The following SORCS3 variants were observed in gnomAD, a reference collection of about 807,000 sequenced individuals.
The protein encoded by SORCS3 is VPS10 domain-containing receptor SorCS3.
A neutral mutation model predicts 146.3 loss-of-function variants in SORCS3; 57 were observed. That is an observed-to-expected ratio of 0.39 (90% CI 0.31 to 0.49). SORCS3 has a LOEUF of 0.49. Ranked by LOEUF, SORCS3 falls within the 20% of genes least tolerant of loss-of-function variation. SORCS3 has a pLI of 0.92. For synonymous variants in SORCS3, 653 were observed against 618.5 expected, an observed-to-expected ratio of 1.06 and a Z score of -0.83; for missense variants, 1,341 against 1,575.5, an observed-to-expected ratio of 0.85 and a Z score of 2.52.
At chr10:105,084,679 G>A (rs1025212705) in intron 5 of SORCS3, among the ~76,000 whole-genome samples, 9 of 152,114 alleles carry the variant, frequency 5.9e-5, no homozygotes, top group Non-Finnish European at 1.3e-4. Context: ...ACTAGGGGAG[G>A]CGCAGAGTGC....
At chr10:104,884,240 G>T (rs1176176892) in intron 2 of SORCS3, among the ~76,000 whole-genome samples, 1 of 152,140 alleles carries the variant, frequency 6.6e-6, no homozygotes, top group African/African-American at 2.4e-5. Flanking sequence ...AAGGAGAGAG[G>T]AGACATTTAA....
intron 1 of SORCS3, among the ~76,000 whole-genome samples, chr10:104,803,729 A>G (rs1178837401): frequency 6.6e-6 from 1 of 152,086 alleles, no homozygotes; most frequent in Non-Finnish European, 1.5e-5. Flanking sequence ...AGGCTCATTT[A>G]TTCACTCAAG....
chr10:105,219,320 A>G (rs1450887204), intron 19 of SORCS3, among the ~76,000 whole-genome samples: 37 of 152,216 alleles, frequency 2.4e-4, no homozygotes, highest in Admixed American at 2.3e-3. Flanking sequence ...TTTATCCAGC[A>G]ATGAGTTGTA....
At chr10:104,963,090 C>A (rs1337494579) in intron 3 of SORCS3, among the ~76,000 whole-genome samples, 1 of 152,142 alleles carries the variant, frequency 6.6e-6, no homozygotes, top group African/African-American at 2.4e-5. Context: ...GTCATTATTT[C>A]TAATTTTGTA....
intron 3 of SORCS3, among the ~76,000 whole-genome samples, chr10:104,969,066 G>A (rs2054843236): frequency 1.3e-5 from 2 of 152,130 alleles, no homozygotes; most frequent in African/African-American, 4.8e-5. Context: ...TATAGATTTG[G>A]TACGTGAATA....
intron 5 of SORCS3, among the ~76,000 whole-genome samples, chr10:105,060,266 A>C (rs2055476173): frequency 6.6e-6 from 1 of 152,184 alleles, no homozygotes; most frequent in Non-Finnish European, 1.5e-5. Flanking sequence ...GAAGAGAAAC[A>C]GAAAAGCATG....
At chr10:105,170,954 C>T (rs998054320) in intron 13 of SORCS3, among the ~76,000 whole-genome samples, 2 of 152,060 alleles carry the variant, frequency 1.3e-5, no homozygotes, top group African/African-American at 4.8e-5. Context: ...AAACAAAGCT[C>T]ATTTTAAGAG....
chr10:104,915,798 G>C (rs770009100), intron 2 of SORCS3, 35 bp from the exon 3 acceptor site: 1 of 1,582,070 alleles, frequency 6.3e-7, no homozygotes, highest in Admixed American at 1.7e-5. Context: ...TTGGTAAAAT[G>C]ATCTCTCCCT....
At chr10:104,761,746 G>C (rs758532621) in intron 1 of SORCS3, among the ~76,000 whole-genome samples, 2 of 152,100 alleles carry the variant, frequency 1.3e-5, no homozygotes. Context: ...GTGAGAAAAT[G>C]GGGGCTGGAT....
At chr10:105,066,426 G>C (rs1459460308) in intron 5 of SORCS3, among the ~76,000 whole-genome samples, 5 of 152,182 alleles carry the variant, frequency 3.3e-5, no homozygotes, top group Admixed American at 3.3e-4. Flanking sequence ...AGCTGAACAT[G>C]AATCAGGAAC....
chr10:104,897,777 G>A (rs555343834), intron 2 of SORCS3, among the ~76,000 whole-genome samples: 9 of 152,302 alleles, frequency 5.9e-5, no homozygotes, highest in Admixed American at 5.2e-4. Flanking sequence ...GGGTGGTCCT[G>A]GGAATGGAAT....
At chr10:104,829,563 G>C (rs2017977839) in intron 1 of SORCS3, among the ~76,000 whole-genome samples, 1 of 152,112 alleles carries the variant, frequency 6.6e-6, no homozygotes, top group Non-Finnish European at 1.5e-5. Context: ...TGCCATTTGG[G>C]GCCAGGTTGA....
chr10:104,864,229 G>T (rs1311257870), intron 2 of SORCS3, among the ~76,000 whole-genome samples: 1 of 152,132 alleles, frequency 6.6e-6, no homozygotes, highest in Non-Finnish European at 1.5e-5. Flanking sequence ...ATTGTTAAAT[G>T]TTTATAAAAG....
chr10:104,682,479 C>G (rs759418788), intron 1 of SORCS3, among the ~76,000 whole-genome samples: 7 of 152,190 alleles, frequency 4.6e-5, no homozygotes, highest in Non-Finnish European at 4.4e-5. Context: ...TGAATAAGGC[C>G]TGAACCTTAT....
intron 1 of SORCS3, among the ~76,000 whole-genome samples, chr10:104,821,584 T>A (rs115159890): frequency 0.014 from 2,111 of 152,330 alleles, 31 homozygotes; most frequent in African/African-American, 0.036. Context: ...TCAAAGCACA[T>A]GGCTCCTTTT....
chr10:105,068,297 C>T (rs2055534953), intron 5 of SORCS3, among the ~76,000 whole-genome samples: 1 of 152,162 alleles, frequency 6.6e-6, no homozygotes, highest in African/African-American at 2.4e-5. Context: ...CAAATAACTC[C>T]AGACTGCCTT....
chr10:104,671,657 C>T (rs543985807), intron 1 of SORCS3, among the ~76,000 whole-genome samples: 1 of 151,798 alleles, frequency 6.6e-6, no homozygotes, highest in South Asian at 2.1e-4. Context: ...TCCTTCTATT[C>T]CTAGTTTGTT....
At chr10:105,100,367 T>C (rs1446323439) in intron 6 of SORCS3, among the ~76,000 whole-genome samples, 1 of 152,234 alleles carries the variant, frequency 6.6e-6, no homozygotes, top group East Asian at 1.9e-4. Flanking sequence ...GTCTGTTCTT[T>C]CTAGTTTTTC....
In SORCS3 at chr10:105,178,163, C is replaced by T. The variant is rs1169718147; in HGVS notation, c.1999C>T (p.His667Tyr). The change falls in exon 14 of 27, where the codon CAC becomes TAC. Residue 667 changes from histidine (H) to tyrosine (Y), a missense_variant. By Grantham distance (83) the His-to-Tyr change is moderately conservative. Transcript: ENST00000369701. The stretch of plus-strand genomic sequence containing the variant: ...TCTGGTGGAGGCAGGAATGGAGACC[C>T]ACATCATGACGTGAGTACTTCTTTT... ...GALVEAGMET[H>Y]IMTVFGHFSL... The T allele has an allele frequency of 1.9e-6, 3 of 1,611,514 alleles. No homozygotes were observed. The highest frequency in any genetic ancestry group is 1.7e-4 in the Middle Eastern group (1 of 6,056).
Sources: allele counts gnomAD v4.1 joint callset (sites outside exome capture counted in the v4.1 genomes callset), GRCh38; gene constraint gnomAD v4.1.1; transcripts MANE v1.5; gene names NCBI Gene and HGNC (gene_info 2026-07-23, HGNC 2026-07-21).